Variants in SIK3 observed in about 807,000 individuals in gnomAD.
SIK3 encodes the protein serine/threonine-protein kinase SIK3.
SIK3 carries 28 observed loss-of-function variants against 144.2 expected under a neutral mutation model. That is an observed-to-expected ratio of 0.19 (90% confidence interval 0.14 to 0.27). The LOEUF (loss-of-function observed/expected upper bound fraction) is 0.27. SIK3 is among the 10% of genes least tolerant of loss of function. The pLI, the probability that SIK3 is intolerant of heterozygous loss-of-function variation, is 1.00. For missense variants in SIK3, 1,319 were observed against 1,776.0 expected, an observed-to-expected ratio of 0.74 and a Z score of 4.62; for synonymous variants, 686 against 676.3, an observed-to-expected ratio of 1.01 and a Z score of -0.22.
At position 116,846,380 on chromosome 11, in the gene SIK3, C is replaced by T. The variant is rs1292226201; in HGVS notation, c.*13+3G>A. On this transcript the variant is annotated splice_donor_region_variant and intron_variant, in intron 24 of 24. Transcript: ENST00000445177. The surrounding 1 kb of genome is among the most constrained non-coding windows in gnomAD (Gnocchi z 4.1). ...GTTTGGCTCTGGCCAGGGTGACACT[C>T]ACTCTCTGTTTCTTGTTACACGCCT... The T allele has an allele frequency of 6.2e-7, 1 of 1,613,278 alleles. No homozygotes were observed. Among genetic ancestry groups the T allele is most frequent in the Non-Finnish European group, 8.5e-7 (1 of 1,179,688 alleles).
intron 1 of SIK3, among the ~76,000 whole-genome samples, chr11:116,998,453 A>G (rs1334886664): frequency 1.4e-5 from 2 of 144,472 alleles, no homozygotes; most frequent in Non-Finnish European, 3.0e-5. Context: ...CATGGGCGAA[A>G]GAACAAGACT....
At chr11:116,882,629 T>C (rs1944606245) in intron 6 of SIK3, among the ~76,000 whole-genome samples, 2 of 152,172 alleles carry the variant, frequency 1.3e-5, no homozygotes, top group South Asian at 2.1e-4. Flanking sequence ...AAGACATCTG[T>C]GTACCAGAAG....
intron 14 of SIK3, among the ~76,000 whole-genome samples, 169 bp from the exon 15 acceptor site, chr11:116,868,258 G>A (rs1943761720): frequency 6.6e-6 from 1 of 152,214 alleles, no homozygotes; most frequent in South Asian, 2.1e-4. Flanking sequence ...CGTCTAACTG[G>A]CCAACAGAAG....
chr11:117,086,994 C>CAA lies in SIK3; in HGVS notation c.273+11147_273+11148dup, dbSNP rs907856897. Among the ~76,000 whole-genome samples the CAA allele has an allele frequency of 6.1e-3, 404 of 66,662 alleles. 4 individuals are homozygous for CAA. The highest frequency in any genetic ancestry group is 0.018 in the African/African-American group (362 of 19,864). The allele number at this position is 66,662 out of a possible 152,430, so 43.7% of individuals were successfully genotyped here. On this transcript the variant is annotated intron_variant, in intron 1 of 24. Coordinates refer to ENST00000445177, the MANE Select transcript of SIK3 (RefSeq NM_001366686.3). ...TGGACAACAGAGCGAGACTCCATCTCAAAAAAAAAAAAAAAAAAAATCAAT... is the reference window on the plus strand; with the variant it reads ...TGGACAACAGAGCGAGACTCCATCTCAAAAAAAAAAAAAAAAAAAAAATCAAT...
intron 1 of SIK3, among the ~76,000 whole-genome samples, chr11:117,056,030 C>G (rs1355002976): frequency 1.3e-5 from 2 of 152,208 alleles, no homozygotes; most frequent in African/African-American, 2.4e-5. Context: ...AAAGAACTGA[C>G]AGCAACCAAA....
chr11:116,918,281 G>A (rs1565450771), intron 4 of SIK3, among the ~76,000 whole-genome samples: 2 of 152,104 alleles, frequency 1.3e-5, no homozygotes, highest in Non-Finnish European at 2.9e-5. Context: ...TGCTTTGGTA[G>A]GTCAGAAGCG....
intron 6 of SIK3, among the ~76,000 whole-genome samples, chr11:116,891,674 AAG>A (rs1945121336): frequency 6.6e-6 from 1 of 151,162 alleles, no homozygotes; most frequent in Non-Finnish European, 1.5e-5. Context: ...GAGAGAGAGA[AAG>A]AGAGAGAAAA....
At chr11:116,853,619 T>G (rs1165935054) in intron 21 of SIK3, among the ~76,000 whole-genome samples, 17 of 152,230 alleles carry the variant, frequency 1.1e-4, no homozygotes, top group Admixed American at 1.1e-3. Flanking sequence ...AGCAATAACG[T>G]GACTGCATAC....
intron 1 of SIK3, among the ~76,000 whole-genome samples, chr11:116,965,991 A>G (rs1949535286): frequency 6.6e-6 from 1 of 151,484 alleles, no homozygotes; most frequent in African/African-American, 2.4e-5. Flanking sequence ...AATGTAGGAC[A>G]AACAGGAAAC....
chr11:116,895,826 A>G (rs1945369492), intron 6 of SIK3, among the ~76,000 whole-genome samples: 1 of 152,226 alleles, frequency 6.6e-6, no homozygotes. Flanking sequence ...TGGCATTTAA[A>G]ACCACATTGC....
At chr11:116,888,125 T>G (rs1258578821) in intron 6 of SIK3, among the ~76,000 whole-genome samples, 1 of 152,222 alleles carries the variant, frequency 6.6e-6, no homozygotes, top group Admixed American at 6.5e-5. Flanking sequence ...TAGAAGCAGC[T>G]ACATGGTAGA....
chr11:117,055,319 A>G (rs1056073755), intron 1 of SIK3, among the ~76,000 whole-genome samples: 5 of 152,228 alleles, frequency 3.3e-5, no homozygotes, highest in Non-Finnish European at 7.3e-5. Context: ...TTAAGCACTT[A>G]GTGTACATGA....
intron 1 of SIK3, among the ~76,000 whole-genome samples, chr11:117,058,668 A>C (rs17581874): frequency 0.032 from 4,887 of 152,308 alleles, 104 homozygotes; most frequent in Non-Finnish European, 0.036. Flanking sequence ...CACGAACCAA[A>C]GGAAAATGTG....
intron 4 of SIK3, among the ~76,000 whole-genome samples, chr11:116,922,562 G>C (rs1947047464): frequency 6.6e-6 from 1 of 152,180 alleles, no homozygotes; most frequent in Non-Finnish European, 1.5e-5. Context: ...CAAGGCAGGA[G>C]AATCGCTTGA....
At chr11:117,066,714 T>C (rs1479898591) in intron 1 of SIK3, among the ~76,000 whole-genome samples, 1 of 152,066 alleles carries the variant, frequency 6.6e-6, no homozygotes, top group East Asian at 1.9e-4. Context: ...CTTAAGTTTT[T>C]TGTAGAGACA....
intron 1 of SIK3, among the ~76,000 whole-genome samples, chr11:117,089,090 T>C (rs1226000038): frequency 2.0e-5 from 3 of 152,080 alleles, no homozygotes; most frequent in African/African-American, 7.2e-5. Context: ...AATCCAGAGA[T>C]GCCCTTAATA....
At chr11:116,935,912 T>C (rs1947892175) in intron 3 of SIK3, among the ~76,000 whole-genome samples, 1 of 152,208 alleles carries the variant, frequency 6.6e-6, no homozygotes, top group Non-Finnish European at 1.5e-5. Flanking sequence ...TCTAGTCATC[T>C]AACCTCCTGA....
Position 116,931,177 on chromosome 11 carries a change from G to A in SIK3, c.455-3797C>T, listed in dbSNP as rs534585087. ...GTGACACTAAGAGATTTACATACCC[G>A]ACGAAGAGTAATATTGTTAGAAGTA... On this transcript the variant is annotated intron_variant, in intron 3 of 24. Coordinates refer to ENST00000445177, the MANE Select transcript of SIK3 (RefSeq NM_001366686.3). Among the ~76,000 whole-genome samples, 299 of 152,214 alleles carry A rather than the reference G, an allele frequency of 2.0e-3. 1 individual carries two copies. The highest frequency in any genetic ancestry group is 0.01 in the South Asian group (49 of 4,810).
intron 4 of SIK3, among the ~76,000 whole-genome samples, chr11:116,919,659 G>C (rs1053155011): frequency 6.6e-6 from 1 of 152,128 alleles, no homozygotes; most frequent in Admixed American, 6.5e-5. Flanking sequence ...TTTAAATATA[G>C]ACACCTTGCT....
Sources: gnomAD v4.1 joint callset for allele counts (sites outside exome capture counted in the v4.1 genomes callset) on GRCh38, gnomAD v4.1.1 for gene constraint, Gnocchi (gnomAD v3.1) non-coding constraint, MANE v1.5 for transcripts, NCBI Gene and HGNC (gene_info 2026-07-23, HGNC 2026-07-21) for gene names.